The following ENO4 variants were observed in gnomAD, a reference collection of about 807,000 sequenced individuals.
ENO4 encodes the protein enolase 4.
In ENO4, 53 loss-of-function variants were observed where a neutral mutation model predicts 63.2. That is an observed-to-expected ratio of 0.84 (90% confidence interval 0.67 to 1.05). ENO4 has a LOEUF of 1.05. Among genes scored for constraint, ENO4 ranks in the 50% least tolerant of loss-of-function variants. The pLI is 0.00. For missense variants in ENO4, 719 were observed against 772.0 expected, an observed-to-expected ratio of 0.93 and a Z score of 0.81; for synonymous variants, 266 against 283.8, an observed-to-expected ratio of 0.94 and a Z score of 0.63.
In ENO4 at chr10:116,868,635, T is replaced by A. The variant is rs1385254452; in HGVS notation, c.991-15T>A. On this transcript the variant is annotated splice_polypyrimidine_tract_variant and intron_variant, in intron 7 of 13. Coordinates refer to ENST00000341276, the MANE Select transcript of ENO4 (RefSeq NM_001242699.2). Reference sequence around the variant, plus strand: ...AAAAATTCCAGGTGATACATTTTTATCTTCTGCCCCACAGCCCTCTCCTCC... The same window carrying A: ...AAAAATTCCAGGTGATACATTTTTAACTTCTGCCCCACAGCCCTCTCCTCC... The A allele has an allele frequency of 9.0e-6, 14 of 1,550,236 alleles. No individual in the cohort carries two copies. The highest frequency in any genetic ancestry group is 1.2e-5 in the Non-Finnish European group (14 of 1,146,822).
At chr10:116,886,355 AGCTGTCTGTCTCTCTCACGTTTTCAAT>A (rs1847162491), downstream of ENO4, 1 of 1,553,270 alleles carries the variant, frequency 6.4e-7, no homozygotes, top group Non-Finnish European at 8.7e-7. Context: ...CAGCAGTTGG[AGCTGTCTGTCTCTCTCACGTTTTCAAT>A]GCTGTCTTCT....
chr10:116,874,559 C>T (rs1242865305), intron 10 of ENO4, among the ~76,000 whole-genome samples: 1 of 152,206 alleles, frequency 6.6e-6, no homozygotes, highest in Non-Finnish European at 1.5e-5. Context: ...CTAGCTGGAG[C>T]TTCAATAGGT....
At chr10:116,905,704 T>C (rs754589979) in intron 10 of ENO4, among the ~76,000 whole-genome samples, 6 of 152,190 alleles carry the variant, frequency 3.9e-5, no homozygotes, top group Admixed American at 2.0e-4. Flanking sequence ...ACTGTTACGA[T>C]AGACTACTTG....
Position 116,871,270 on chromosome 10 carries a change from C to T in ENO4, c.1193C>T (p.Ala398Val). The T allele has an allele frequency of 1.3e-6, 2 of 1,550,290 alleles. No homozygotes were observed. Among genetic ancestry groups the T allele is most frequent in the Non-Finnish European group, 1.7e-6 (2 of 1,146,902 alleles). Reference sequence around the variant, plus strand: ...AATCTGCATCTAGCTATCAACTGTGCTGGACATGAGCTGATGGACTACGTA... The same window carrying T: ...AATCTGCATCTAGCTATCAACTGTGTTGGACATGAGCTGATGGACTACGTA... ...GTNLHLAINC[A>V]GHELMDYNKG... The change falls in exon 9 of 14, where the codon GCT becomes GTT. Residue 398 changes from alanine to valine, a missense_variant. Physicochemically the swap from Ala to Val is moderately conservative, Grantham distance 64. Coordinates refer to ENST00000341276, the MANE Select transcript of ENO4 (RefSeq NM_001242699.2).
Position 116,881,893 on chromosome 10 carries a change from TTGTC to T in ENO4, c.*226_*229del. 2.5e-6 allele frequency: 1 copy of T among 393,486 alleles called. No individual in the cohort carries two copies. The highest frequency in any genetic ancestry group is 4.5e-5 in the Admixed American group (1 of 22,222). 24.4% of individuals were successfully genotyped at this position (393,486 alleles called of 1,614,324 possible). A position where few individuals can be genotyped will look rare whatever the true frequency, so the allele number is the denominator to read the frequency against. On this transcript the variant is annotated 3_prime_UTR_variant, in exon 14 of 14. Transcript: ENST00000341276. ...CACCACACTTCCATGTGGATTTTGTTTGTCTATTAGCTCTCCTGTCCATTTTTCA... is the reference window on the plus strand; with the variant it reads ...CACCACACTTCCATGTGGATTTTGTTTATTAGCTCTCCTGTCCATTTTTCA...
intron 10 of ENO4, chr10:116,901,659 G>A (rs1477928233): frequency 1.3e-5 from 17 of 1,353,468 alleles, no homozygotes; most frequent in African/African-American, 4.6e-5. Flanking sequence ...AGAATTTACC[G>A]GCGAGCCAAT....
rs1378969267 is a variant in ENO4 at position 116,856,697 on chromosome 10, T to C, written c.485+15T>C. ...CACCTACTCAGGTACAGTTTCCACT[T>C]TGAAATATAAACATCAAGTACAAGC... On this transcript the variant is annotated intron_variant, in intron 3 of 13. Transcript: ENST00000341276. 2 of 1,504,004 alleles carry C rather than the reference T, an allele frequency of 1.3e-6. No homozygotes were observed. The highest frequency in any genetic ancestry group is 2.2e-5 in the Admixed American group (1 of 46,026). 93.2% of individuals were successfully genotyped at this position (1,504,004 alleles called of 1,614,324 possible). A position where few individuals can be genotyped will look rare whatever the true frequency, so the allele number is the denominator to read the frequency against.
chr10:116,890,699 C>T (rs1247345439), intron 10 of ENO4, among the ~76,000 whole-genome samples: 1 of 152,226 alleles, frequency 6.6e-6, no homozygotes. Flanking sequence ...TAGAAAGCAG[C>T]TATTGTGCCC....
At chr10:116,911,654 A>T in exon 11 of ENO4, 1 of 1,568,284 alleles carries the variant, frequency 6.4e-7, no homozygotes, top group Non-Finnish European at 8.7e-7. Flanking sequence ...AAGCACGATC[A>T]AATAAACTGG....
chr10:116,898,742 AAAAC>A (rs561646418), intron 10 of ENO4, among the ~76,000 whole-genome samples: 1,700 of 152,196 alleles, frequency 0.011, 20 homozygotes, highest in African/African-American at 0.032. Flanking sequence ...TTTTTTCTTA[AAAAC>A]AAACAAACAA....
intron 13 of ENO4, 70 bp downstream of exon 13, chr10:116,880,056 A>G: frequency 8.2e-7 from 1 of 1,220,362 alleles, no homozygotes; most frequent in Non-Finnish European, 1.2e-6. Flanking sequence ...AAGAGGGGGA[A>G]TAGAAGTCCC....
intron 1 of ENO4, among the ~76,000 whole-genome samples, chr10:116,855,307 TA>T (rs1208919435): frequency 1.3e-5 from 2 of 152,136 alleles, no homozygotes; most frequent in Non-Finnish European, 2.9e-5. Flanking sequence ...GAAGGCCTGC[TA>T]ATCAGTGACA....
intron 10 of ENO4, chr10:116,900,576 A>G (rs1355595658): frequency 6.5e-7 from 1 of 1,533,990 alleles, no homozygotes; most frequent in South Asian, 1.2e-5. Flanking sequence ...ATCTATACAC[A>G]CACACTGAAG....
chr10:116,863,937 A>G (rs957046422), intron 7 of ENO4, among the ~76,000 whole-genome samples: 8 of 152,206 alleles, frequency 5.3e-5, no homozygotes, highest in Non-Finnish European at 1.2e-4. Context: ...CTGCTTTGCC[A>G]TTCATAACTC....
chr10:116,900,972 GCTAAGACAGCTAGAGTTACAAA>G (rs1847710864), intron 10 of ENO4: 1 of 985,302 alleles, frequency 1.0e-6, no homozygotes. Context: ...CACCTTTTAA[GCTAAGACAGCTAGAGTTACAAA>G]AAAGGGGTTC....
At chr10:116,908,038 T>TAC (rs1362252364) in intron 10 of ENO4, 2 of 445,236 alleles carry the variant, frequency 4.5e-6, no homozygotes, top group African/African-American at 4.1e-5. Context: ...ATCAGATGGT[T>TAC]ACAAATCTCA....
chr10:116,867,421 C>CA (rs35426438), intron 7 of ENO4, among the ~76,000 whole-genome samples: 42,091 of 137,728 alleles, frequency 0.31, 6,645 homozygotes, highest in African/African-American at 0.41. Flanking sequence ...AAATATTTAC[C>CA]AAAAAAAAAA....
chr10:116,886,308 A>G, downstream of ENO4: 2 of 1,551,540 alleles, frequency 1.3e-6, no homozygotes, highest in Non-Finnish European at 1.7e-6. Flanking sequence ...CTTATTGAAA[A>G]GGACTTCCAA....
intron 11 of ENO4, among the ~76,000 whole-genome samples, chr10:116,878,739 T>C (rs1478204626): frequency 1.2e-5 from 1 of 86,360 alleles, no homozygotes; most frequent in Non-Finnish European, 2.4e-5. Flanking sequence ...ACAAATCATA[T>C]ATCTTTTTTT....
Sources: gnomAD v4.1 joint callset for allele counts (sites outside exome capture counted in the v4.1 genomes callset) on GRCh38, gnomAD v4.1.1 for gene constraint, MANE v1.5 for transcripts, NCBI Gene and HGNC (gene_info 2026-07-23, HGNC 2026-07-21) for gene names.